The following ACSM4 variants were observed in gnomAD, a reference collection of about 807,000 sequenced individuals.
The protein encoded by ACSM4 is acyl-coenzyme A synthetase ACSM4, mitochondrial.
A neutral mutation model predicts 73.0 loss-of-function variants in ACSM4; 66 were observed. The ratio of observed to expected loss-of-function variants is 0.90; its 90% CI spans 0.74 to 1.11. The LOEUF (loss-of-function observed/expected upper bound fraction) is 1.11, where lower values mean the gene tolerates loss of function less well. ACSM4 is among the 50% of genes least tolerant of loss of function. ACSM4 has a pLI of 0.00. For synonymous variants in ACSM4, 222 were observed against 254.0 expected (o/e 0.87, Z 1.20); for missense variants, 645 against 714.4 (o/e 0.90, Z 1.11).
Position 7,318,104 on chromosome 12 carries a change from T to C in ACSM4, c.843T>C (p.Ser281=), listed in dbSNP as rs200549554. ...GCTGGGTCAAGGCCGCCATTGGCAG[T>C]GTGTTTTCTTCCTGGCTGTGTGGAG... The part of the protein sequence containing the change: ...DTGWVKAAIG[S]VFSSWLCGAC... The change falls in exon 5 of 13, where the codon AGT becomes AGC. Residue 281 remains serine, a synonymous_variant. Transcript: ENST00000399422. The C allele has an allele frequency of 1.2e-5, 20 of 1,613,742 alleles. No individual in the cohort carries two copies. The Admixed American group carries it at 3.3e-4, about 27-fold the overall frequency.
At chr12:7,324,472 T>G in intron 10 of ACSM4, 27 bp from the exon 11 acceptor site, 1 of 1,613,880 alleles carries the variant, frequency 6.2e-7, no homozygotes, top group Non-Finnish European at 8.5e-7. Flanking sequence ...GAGGATGTGG[T>G]GGTCAAAAAC....
chr12:7,324,632 C>G (rs746035456), intron 11 of ACSM4, 34 bp downstream of exon 11: 154 of 1,602,496 alleles, frequency 9.6e-5, no homozygotes, highest in Non-Finnish European at 8.0e-5. Context: ...GAAGCAACAT[C>G]ATATTTTCAA....
At chr12:7,318,321 G>A in intron 5 of ACSM4, 139 bp downstream of exon 5, 1 of 1,112,858 alleles carries the variant, frequency 9.0e-7, no homozygotes, top group Non-Finnish European at 1.2e-6. Context: ...AAGTCTCAAG[G>A]GCCTCAGCTT....
intron 4 of ACSM4, 58 bp downstream of exon 4, chr12:7,317,338 T>C (rs1268039610): frequency 4.7e-6 from 7 of 1,491,806 alleles, no homozygotes; most frequent in Non-Finnish European, 6.3e-6. Flanking sequence ...CGAATATGCG[T>C]ATCCAACTAA....
chr12:7,311,491 T>A (rs1946389975), intron 3 of ACSM4, among the ~76,000 whole-genome samples: 1 of 152,194 alleles, frequency 6.6e-6, no homozygotes, highest in South Asian at 2.1e-4. Flanking sequence ...GAAGTTTTCC[T>A]TGACCACACT....
chr12:7,326,842 G>A, intron 11 of ACSM4, 134 bp from the exon 12 acceptor site: 1 of 983,578 alleles, frequency 1.0e-6, no homozygotes, highest in Non-Finnish European at 1.4e-6. Flanking sequence ...TTGTTCAGAG[G>A]TAACCTCTGG....
intron 3 of ACSM4, among the ~76,000 whole-genome samples, chr12:7,314,751 C>A (rs890529743): frequency 1.3e-5 from 2 of 152,096 alleles, no homozygotes; most frequent in African/African-American, 4.8e-5. Context: ...AAGAAATACC[C>A]CTCTGTAGCC....
intron 11 of ACSM4, among the ~76,000 whole-genome samples, chr12:7,325,012 T>C (rs963804674): frequency 6.6e-6 from 1 of 152,194 alleles, no homozygotes; most frequent in Non-Finnish European, 1.5e-5. Context: ...TCCAGGTGTA[T>C]ACACCTTAGC....
intron 6 of ACSM4, among the ~76,000 whole-genome samples, chr12:7,321,781 C>G (rs183826327): frequency 6.6e-6 from 1 of 152,190 alleles, no homozygotes; most frequent in Non-Finnish European, 1.5e-5. Flanking sequence ...TTACTAATCA[C>G]GTGGCCTTGG....
intron 3 of ACSM4, among the ~76,000 whole-genome samples, chr12:7,312,550 A>G (rs78804269): frequency 0.21 from 32,185 of 152,130 alleles, 3,960 homozygotes; most frequent in African/African-American, 0.33. Context: ...TTATCCTACT[A>G]ATTAATATAA....
chr12:7,323,224 C>T lies in ACSM4; in HGVS notation c.1126-10C>T, dbSNP rs761210824. 1.6e-5 allele frequency: 26 copies of T among 1,600,986 alleles called. No individual in the cohort carries two copies. Among genetic ancestry groups the T allele is most frequent in the Non-Finnish European group, 2.2e-5 (26 of 1,173,574 alleles). On this transcript the variant is annotated splice_polypyrimidine_tract_variant and intron_variant, in intron 7 of 12. Coordinates refer to ENST00000399422, the MANE Select transcript of ACSM4 (RefSeq NM_001080454.2). ...TTTGTATACTTATACAAAGCTTGTC[C>T]TCTCAATAGGGAATGATTTGTGCCA...
At chr12:7,319,190 A>C (rs1009475131) in intron 5 of ACSM4, among the ~76,000 whole-genome samples, 12 of 152,206 alleles carry the variant, frequency 7.9e-5, no homozygotes, top group African/African-American at 2.9e-4. Context: ...TAAGGAGCAC[A>C]CAACCTAGAT....
intron 12 of ACSM4, 111 bp downstream of exon 12, chr12:7,327,206 A>G: frequency 2.3e-6 from 3 of 1,281,860 alleles, no homozygotes; most frequent in Non-Finnish European, 3.1e-6. Flanking sequence ...TAGGTAGAAG[A>G]CACTTTTCAA....
intron 3 of ACSM4, among the ~76,000 whole-genome samples, chr12:7,311,797 C>T (rs1946392314): frequency 1.3e-5 from 2 of 152,148 alleles, no homozygotes; most frequent in Admixed American, 6.5e-5. Context: ...TAAAGTGATC[C>T]TCCCACCTGA....
chr12:7,319,306 A>T (rs1420942563), intron 5 of ACSM4, among the ~76,000 whole-genome samples: 7 of 152,134 alleles, frequency 4.6e-5, no homozygotes, highest in Non-Finnish European at 8.8e-5. Context: ...GGCAATGGGG[A>T]GTGGCTATAA....
In ACSM4 at chr12:7,306,590, G is replaced by C. The variant is rs1445759494; in HGVS notation, c.259G>C (p.Val87Leu). 1 of 1,602,050 alleles carries C rather than the reference G, an allele frequency of 6.2e-7. No homozygotes were observed. The change falls in exon 2 of 13, where the codon GTA becomes CTA. Residue 87 changes from valine (V) to leucine (L), a missense_variant. Physicochemically the swap from Val to Leu is conservative, Grantham distance 32. Coordinates refer to ENST00000399422, the MANE Select transcript of ACSM4 (RefSeq NM_001080454.2). ...LWWVNGKGDE[V>L]KWSFRELGSL... ...GTGGGTGAATGGCAAAGGGGATGAG[G>C]TAAAATGGAGCTTCAGAGAACTGGG...
Position 7,327,090 on chromosome 12 carries a change from A to G in ACSM4, c.1651A>G (p.Arg551Gly). Residue 551 changes from arginine to glycine, a missense_variant, in exon 12 of 13, where the codon AGA becomes GGA. Transcript: ENST00000399422. ...KKSTAPYKYP[R>G]KVEFVQELPK... ...ATCAACTGCACCTTACAAATATCCAAGAAAGGCAAGTGCTTTGCCCAAAAG... is the reference window on the plus strand; with the variant it reads ...ATCAACTGCACCTTACAAATATCCAGGAAAGGCAAGTGCTTTGCCCAAAAG... The G allele has an allele frequency of 1.2e-6, 2 of 1,602,498 alleles. No individual in the cohort carries two copies. The highest frequency in any genetic ancestry group is 2.3e-5 in the South Asian group (2 of 88,278).
At chr12:7,315,173 A>G (rs1482381462) in intron 3 of ACSM4, among the ~76,000 whole-genome samples, 3 of 148,504 alleles carry the variant, frequency 2.0e-5, no homozygotes, top group Admixed American at 6.8e-5. Flanking sequence ...TCCAGCTTGC[A>G]TGGCAGAGTA....
At position 7,310,837 on chromosome 12, in the gene ACSM4, A is replaced by T. The variant is rs925107040; in HGVS notation, c.620+91A>T. ...TCTCTTTGCCTCCAAGGACTCAGGA[A>T]CACTGTCAGTTGATCTGGGCTCTTA... On this transcript the variant is annotated intron_variant, in intron 3 of 12. Transcript: ENST00000399422. 5 of 1,304,186 alleles carry T rather than the reference A, an allele frequency of 3.8e-6. No homozygotes were observed. In the Admixed American group the frequency reaches 8.3e-5, roughly 22 times the overall value. The allele number at this position is 1,304,186 out of a possible 1,614,324, so 80.8% of individuals were successfully genotyped here. A position where few individuals can be genotyped will look rare whatever the true frequency, so the allele number is the denominator to read the frequency against.
Sources: gnomAD v4.1 joint callset for allele counts (sites outside exome capture counted in the v4.1 genomes callset) on GRCh38, gnomAD v4.1.1 for gene constraint, MANE v1.5 for transcripts, NCBI Gene and HGNC (gene_info 2026-07-23, HGNC 2026-07-21) for gene names.